NDST3: variants seen among roughly 807,000 people sequenced by gnomAD.
NDST3 encodes the protein bifunctional heparan sulfate N-deacetylase/N-sulfotransferase 3.
Under a neutral mutation model 96.1 loss-of-function variants are expected in NDST3, and 58 were observed. The ratio of observed to expected loss-of-function variants is 0.60; its 90% CI spans 0.49 to 0.75. NDST3 has a LOEUF of 0.75. Among genes scored for constraint, NDST3 ranks in the 30% least tolerant of loss-of-function variants. NDST3 has a pLI of 0.00. For synonymous variants in NDST3, 333 were observed against 359.7 expected, an observed-to-expected ratio of 0.93 and a Z score of 0.84; for missense variants, 788 against 1,034.2, an observed-to-expected ratio of 0.76 and a Z score of 3.27.
intron 6 of NDST3, among the ~76,000 whole-genome samples, chr4:118,168,712 G>A (rs1273385613): frequency 6.6e-6 from 1 of 152,122 alleles, no homozygotes; most frequent in African/African-American, 2.4e-5. Flanking sequence ...CCAAGATGAG[G>A]AAACAACCTA....
intron 6 of NDST3, among the ~76,000 whole-genome samples, chr4:118,163,806 C>A (rs934326145): frequency 6.6e-6 from 1 of 151,950 alleles, no homozygotes; most frequent in Non-Finnish European, 1.5e-5. Flanking sequence ...CAGTGAGATA[C>A]ATACCAGTCA....
At chr4:118,073,062 C>A (rs1280701991) in intron 2 of NDST3, among the ~76,000 whole-genome samples, 2 of 152,040 alleles carry the variant, frequency 1.3e-5, no homozygotes, top group East Asian at 1.9e-4. Context: ...AACCTTACAT[C>A]CCAGGGATAA....
chr4:118,148,689 GA>G (rs550351512), intron 6 of NDST3, among the ~76,000 whole-genome samples: 2 of 151,562 alleles, frequency 1.3e-5, no homozygotes, highest in South Asian at 2.1e-4. Flanking sequence ...CATTGAAATT[GA>G]AAAAAAATAC....
intron 6 of NDST3, among the ~76,000 whole-genome samples, chr4:118,151,946 T>C (rs1734427604): frequency 6.6e-6 from 1 of 152,174 alleles, no homozygotes; most frequent in Non-Finnish European, 1.5e-5. Context: ...GCATCATAAT[T>C]GTGGGTTGTA....
chr4:118,223,268 A>G (rs1055484377), intron 6 of NDST3, among the ~76,000 whole-genome samples: 1 of 151,894 alleles, frequency 6.6e-6, no homozygotes, highest in African/African-American at 2.4e-5. Flanking sequence ...GGAGAAAAAG[A>G]GGAAATTTAA....
At chr4:118,048,818 C>G (rs758053170) in intron 1 of NDST3, among the ~76,000 whole-genome samples, 34 of 152,098 alleles carry the variant, frequency 2.2e-4, no homozygotes, top group East Asian at 7.7e-4. Flanking sequence ...TAGACAGATA[C>G]TCAAGGCAGA....
intron 6 of NDST3, among the ~76,000 whole-genome samples, chr4:118,222,437 G>A (rs1181056132): frequency 6.6e-6 from 1 of 151,834 alleles, no homozygotes; most frequent in African/African-American, 2.4e-5. Context: ...AATGTATTAT[G>A]CCTGACAAAT....
At chr4:118,140,690 CA>C (rs1387562412) in intron 5 of NDST3, among the ~76,000 whole-genome samples, 1 of 152,120 alleles carries the variant, frequency 6.6e-6, no homozygotes, top group Non-Finnish European at 1.5e-5. Context: ...AAAGGGGAAG[CA>C]AAGCACCTTC....
intron 6 of NDST3, among the ~76,000 whole-genome samples, chr4:118,147,364 C>G (rs1734023860): frequency 6.6e-6 from 1 of 152,138 alleles, no homozygotes; most frequent in Admixed American, 6.5e-5. Context: ...CCCAGAGTCA[C>G]TGCTAGCAAC....
chr4:118,173,728 A>G, intron 6 of NDST3, among the ~76,000 whole-genome samples: 1 of 152,162 alleles, frequency 6.6e-6, no homozygotes. Flanking sequence ...TACAGTATGT[A>G]TATGTATTAG....
intron 10 of NDST3, among the ~76,000 whole-genome samples, chr4:118,239,773 T>G (rs1740895436): frequency 6.6e-6 from 1 of 152,102 alleles, no homozygotes; most frequent in Non-Finnish European, 1.5e-5. Context: ...TGCAGAAAAT[T>G]TGCTATTCAA....
chr4:118,037,609 C>T (rs138810709), intron 1 of NDST3, among the ~76,000 whole-genome samples: 2,196 of 152,246 alleles, frequency 0.014, 60 homozygotes, highest in African/African-American at 0.047. Context: ...CAACAATTTC[C>T]ATCACTTCCC....
intron 9 of NDST3, among the ~76,000 whole-genome samples, chr4:118,235,995 A>G (rs1386901765): frequency 6.6e-6 from 1 of 152,194 alleles, no homozygotes; most frequent in East Asian, 1.9e-4. Flanking sequence ...ATCTATGAAC[A>G]TCTCATGTGA....
chr4:118,181,511 A>C (rs1045114226), intron 6 of NDST3, among the ~76,000 whole-genome samples: 1 of 152,174 alleles, frequency 6.6e-6, no homozygotes, highest in Non-Finnish European at 1.5e-5. Flanking sequence ...GAGTTTGAGA[A>C]GCTTCAATTA....
chr4:118,083,356 G>A (rs1728168806), intron 2 of NDST3, among the ~76,000 whole-genome samples: 1 of 152,060 alleles, frequency 6.6e-6, no homozygotes. Context: ...TTCCTCACCA[G>A]TATAATGAAA....
intron 1 of NDST3, among the ~76,000 whole-genome samples, chr4:118,043,582 C>G (rs2389497): frequency 0.64 from 97,362 of 152,210 alleles, 34,521 homozygotes; most frequent in South Asian, 0.82. Context: ...CCATATTCAT[C>G]CATCTGCATG....
chr4:118,069,337 T>C (rs1253740770), intron 2 of NDST3, among the ~76,000 whole-genome samples: 1 of 152,062 alleles, frequency 6.6e-6, no homozygotes, highest in Non-Finnish European at 1.5e-5. Flanking sequence ...GGTTGAATTA[T>C]ATAGGTGGGA....
intron 3 of NDST3, among the ~76,000 whole-genome samples, chr4:118,106,232 G>C (rs1201288519): frequency 1.3e-5 from 2 of 152,030 alleles, no homozygotes; most frequent in Non-Finnish European, 2.9e-5. Flanking sequence ...TTTTCCTTAT[G>C]GCGTTTTTAA....
chr4:118,145,845 C>G (rs554501079), intron 6 of NDST3, among the ~76,000 whole-genome samples: 44 of 152,254 alleles, frequency 2.9e-4, no homozygotes, highest in African/African-American at 1.0e-3. Context: ...TCAGATGCCA[C>G]AAGACAGACA....
Sources: allele counts gnomAD v4.1 joint callset (sites outside exome capture counted in the v4.1 genomes callset), GRCh38; gene constraint gnomAD v4.1.1; transcripts MANE v1.5; gene names NCBI Gene and HGNC (gene_info 2026-07-23, HGNC 2026-07-21).